Variants in ME1 observed in about 807,000 individuals in gnomAD.
The protein encoded by ME1 is malic enzyme 1.
A neutral mutation model predicts 66.4 loss-of-function variants in ME1; 74 were observed. The ratio of observed to expected loss-of-function variants is 1.11; its 90% CI spans 0.92 to 1.35. The LOEUF (loss-of-function observed/expected upper bound fraction) is 1.35, where lower values mean the gene tolerates loss of function less well. Ranked by LOEUF, ME1 falls within the 40% of genes most tolerant of loss-of-function variation. The pLI is 0.00. For synonymous variants in ME1, 251 were observed against 235.6 expected (o/e 1.07, Z -0.60); for missense variants, 750 against 694.1 (o/e 1.08, Z -0.90).
At chr6:83,370,957 C>T (rs1001117658) in intron 3 of ME1, among the ~76,000 whole-genome samples, 23 of 152,116 alleles carry the variant, frequency 1.5e-4, no homozygotes, top group African/African-American at 4.6e-4. Flanking sequence ...AAAGAGGATA[C>T]GGTAGAATTC....
intron 6 of ME1, among the ~76,000 whole-genome samples, chr6:83,309,969 A>G (rs943525802): frequency 2.0e-5 from 3 of 152,072 alleles, no homozygotes; most frequent in African/African-American, 7.2e-5. Flanking sequence ...TTCTTAACCT[A>G]TATACTCAGA....
intron 6 of ME1, among the ~76,000 whole-genome samples, chr6:83,300,488 C>G (rs1455438214): frequency 1.3e-5 from 2 of 151,954 alleles, no homozygotes; most frequent in African/African-American, 4.8e-5. Flanking sequence ...AACTATGCAT[C>G]TGACAAGGTC....
At chr6:83,310,138 G>A (rs1303570920) in intron 6 of ME1, among the ~76,000 whole-genome samples, 2 of 152,056 alleles carry the variant, frequency 1.3e-5, no homozygotes, top group African/African-American at 4.8e-5. Flanking sequence ...ATGCCCCTCG[G>A]ATCCCCCACT....
chr6:83,320,478 T>C (rs1271042374), intron 5 of ME1, among the ~76,000 whole-genome samples: 1 of 152,228 alleles, frequency 6.6e-6, no homozygotes, highest in Admixed American at 6.5e-5. Flanking sequence ...TATAAATATA[T>C]TTCAGATGAA....
At chr6:83,363,423 G>T (rs1022966548) in intron 3 of ME1, among the ~76,000 whole-genome samples, 13 of 152,204 alleles carry the variant, frequency 8.5e-5, no homozygotes, top group Admixed American at 5.9e-4. Context: ...GTAAGGAAGA[G>T]TATTCATGGA....
At chr6:83,247,067 T>C (rs1790638120) in intron 7 of ME1, among the ~76,000 whole-genome samples, 2 of 152,136 alleles carry the variant, frequency 1.3e-5, no homozygotes. Context: ...GTATAAGATT[T>C]CACTATATTT....
intron 5 of ME1, among the ~76,000 whole-genome samples, chr6:83,341,607 A>G (rs1487508054): frequency 2.0e-5 from 3 of 152,220 alleles, no homozygotes; most frequent in Non-Finnish European, 2.9e-5. Context: ...TTACAATTAA[A>G]TTCCCAAAAT....
intron 1 of ME1, among the ~76,000 whole-genome samples, chr6:83,427,710 GA>G (rs922175962): frequency 6.6e-6 from 1 of 151,164 alleles, no homozygotes; most frequent in South Asian, 2.1e-4. Flanking sequence ...AAAGAAATAA[GA>G]AAAAAAAATA....
chr6:83,331,371 C>T (rs188591715), intron 5 of ME1, among the ~76,000 whole-genome samples: 10 of 151,938 alleles, frequency 6.6e-5, no homozygotes, highest in African/African-American at 1.9e-4. Context: ...GGGTGGATCA[C>T]GAGGTCCGGA....
In ME1 at chr6:83,315,303, T is replaced by C; in HGVS notation, c.704+7A>G. On this transcript the variant is annotated splice_region_variant and intron_variant, in intron 6 of 13. Coordinates refer to ENST00000369705, the MANE Select transcript of ME1 (RefSeq NM_002395.6). ...GACTAAAATATAGGTTAAATAAAGATACATACTTGGAAGAAACTGCCTCCA... is the reference window on the plus strand; with the variant it reads ...GACTAAAATATAGGTTAAATAAAGACACATACTTGGAAGAAACTGCCTCCA... The C allele has an allele frequency of 1.3e-6, 2 of 1,540,818 alleles. No homozygotes were observed. The highest frequency in any genetic ancestry group is 1.4e-5 in the African/African-American group (1 of 73,306).
In ME1 at chr6:83,241,267, G is replaced by T. The variant is rs374857719; in HGVS notation, c.815-1631C>A. On this transcript the variant is annotated intron_variant, in intron 7 of 13. Transcript: ENST00000369705. ...TTTGAAGTAAACTGCCCAGAAGTTT[G>T]GATCTGGGGAACTCTAAGCTCCCTT... 2.7e-4 allele frequency among the ~76,000 whole-genome samples: 41 copies of T among 152,206 alleles called. No homozygotes were observed. In the East Asian group the frequency reaches 6.0e-3, roughly 22 times the overall value.
At chr6:83,351,700 G>C (rs188377028) in intron 4 of ME1, among the ~76,000 whole-genome samples, 1 of 152,268 alleles carries the variant, frequency 6.6e-6, no homozygotes, top group African/African-American at 2.4e-5. Flanking sequence ...TAAAAGAAAT[G>C]AATTAACAGA....
chr6:83,270,693 T>C (rs547893259), intron 6 of ME1, among the ~76,000 whole-genome samples: 1 of 152,216 alleles, frequency 6.6e-6, no homozygotes, highest in East Asian at 1.9e-4. Context: ...CATGCTTCTA[T>C]AAACTAATAA....
At chr6:83,418,284 G>T (rs1226501317) in intron 1 of ME1, among the ~76,000 whole-genome samples, 2 of 152,162 alleles carry the variant, frequency 1.3e-5, no homozygotes, top group African/African-American at 4.8e-5. Flanking sequence ...CCAAAGACCT[G>T]CTGCCAGCAA....
At chr6:83,364,679 T>A (rs1769066275) in intron 3 of ME1, among the ~76,000 whole-genome samples, 1 of 152,146 alleles carries the variant, frequency 6.6e-6, no homozygotes. Context: ...CATATACACT[T>A]CATGCATATG....
At chr6:83,422,443 T>TA (rs1309583550) in intron 1 of ME1, among the ~76,000 whole-genome samples, 1 of 152,044 alleles carries the variant, frequency 6.6e-6, no homozygotes, top group Non-Finnish European at 1.5e-5. Flanking sequence ...CAGAATAGAT[T>TA]AAAAAATCAC....
chr6:83,324,716 CAAAAAAAA>C (rs55866196), intron 5 of ME1, among the ~76,000 whole-genome samples: 789 of 49,402 alleles, frequency 0.016, 12 homozygotes, highest in African/African-American at 0.058. Context: ...GCCTACCAAC[CAAAAAAAA>C]AAAAAAAAAA....
chr6:83,355,336 G>A (rs180699069), intron 3 of ME1, among the ~76,000 whole-genome samples: 4 of 152,054 alleles, frequency 2.6e-5, no homozygotes, highest in Non-Finnish European at 5.9e-5. Flanking sequence ...CAAGGCTTTG[G>A]GGTATCCAGT....
At chr6:83,243,887 G>GTGTATATA (rs1554263351) in intron 7 of ME1, among the ~76,000 whole-genome samples, 2 of 127,576 alleles carry the variant, frequency 1.6e-5, no homozygotes, top group African/African-American at 6.1e-5. Context: ...ATGTGTGTGT[G>GTGTATATA]TATATATATA....
Sources: allele counts gnomAD v4.1 joint callset (sites outside exome capture counted in the v4.1 genomes callset), GRCh38; gene constraint gnomAD v4.1.1; transcripts MANE v1.5; gene names NCBI Gene and HGNC (gene_info 2026-07-23, HGNC 2026-07-21).